Variants in FOXP1 observed in about 807,000 individuals in gnomAD.
FOXP1 encodes forkhead box protein P1.
FOXP1 carries 15 observed loss-of-function variants against 98.2 expected under a neutral mutation model. That is an observed-to-expected ratio of 0.15 (90% CI 0.10 to 0.24). The LOEUF is 0.24. Ranked by LOEUF, FOXP1 falls within the 10% of genes least tolerant of loss-of-function variation. The pLI is 1.00. For synonymous variants in FOXP1, 371 were observed against 314.5 expected (o/e 1.18, Z -1.90); for missense variants, 633 against 848.5 (o/e 0.75, Z 3.15).
At position 71,460,544 on chromosome 3, in the gene FOXP1, C is replaced by T. The variant is rs184291407; in HGVS notation, c.-168+32882G>A. 4.6e-3 allele frequency among the ~76,000 whole-genome samples: 695 copies of T among 151,750 alleles called. 5 individuals carry two copies. The highest frequency in any genetic ancestry group is 0.015 in the African/African-American group (638 of 41,328). ...CTCCGCCTCCCGAGTTCAAGGAATT[C>T]TCTTGCCTCAGCCTCCCAAGTAGCT... On this transcript the variant is annotated intron_variant, in intron 3 of 20. Coordinates refer to ENST00000649528, the MANE Select transcript of FOXP1 (RefSeq NM_001349338.3).
chr3:71,436,027 G>T (rs997810163), intron 3 of FOXP1, among the ~76,000 whole-genome samples: 1 of 151,316 alleles, frequency 6.6e-6, no homozygotes, highest in Non-Finnish European at 1.5e-5. Context: ...AGAAAGGGGG[G>T]AGAATCTGTC....
chr3:71,195,962 G>C (rs1684355469), intron 6 of FOXP1, among the ~76,000 whole-genome samples: 1 of 152,158 alleles, frequency 6.6e-6, no homozygotes, highest in African/African-American at 2.4e-5. Context: ...TTCATCTACA[G>C]ATTTCCCTTT....
chr3:71,053,892 T>G, intron 7 of FOXP1, 119 bp from the exon 8 acceptor site: 1 of 1,020,392 alleles, frequency 9.8e-7, no homozygotes, highest in Non-Finnish European at 1.5e-6. Flanking sequence ...CCATGCAACA[T>G]GTATTTATCC....
intron 6 of FOXP1, among the ~76,000 whole-genome samples, chr3:71,149,667 TAC>T (rs1360652437): frequency 6.6e-6 from 1 of 152,234 alleles, no homozygotes; most frequent in Non-Finnish European, 1.5e-5. Context: ...AGCCGATAAA[TAC>T]ATAGATGAAT....
intron 11 of FOXP1, among the ~76,000 whole-genome samples, chr3:71,028,385 T>C (rs777568678): frequency 1.1e-4 from 16 of 152,118 alleles, no homozygotes; most frequent in Non-Finnish European, 1.9e-4. Flanking sequence ...AAGATGCAAA[T>C]GTGGGGGCCC....
chr3:71,048,501 A>T (rs1182517817), intron 9 of FOXP1, among the ~76,000 whole-genome samples: 2 of 152,172 alleles, frequency 1.3e-5, no homozygotes. Context: ...GAGAAAGTTA[A>T]TTGAGTTTCA....
intron 5 of FOXP1, chr3:71,276,342 T>C (rs1027870096): frequency 6.6e-6 from 1 of 152,138 alleles, no homozygotes; most frequent in African/African-American, 2.4e-5. Context: ...AATATAGGAA[T>C]TTCTGGCATT....
At chr3:71,205,491 T>C (rs945915282) in intron 5 of FOXP1, among the ~76,000 whole-genome samples, 4 of 152,242 alleles carry the variant, frequency 2.6e-5, no homozygotes, top group South Asian at 4.1e-4. Flanking sequence ...AGCAATGAAA[T>C]TGTCAAAAGC....
chr3:71,503,600 C>CAAAA (rs2041574756), intron 2 of FOXP1, among the ~76,000 whole-genome samples: 1 of 32,408 alleles, frequency 3.1e-5, no homozygotes, highest in African/African-American at 8.6e-5. Flanking sequence ...GACTCTGTCT[C>CAAAA]GAAAAAAAAA....
intron 3 of FOXP1, among the ~76,000 whole-genome samples, chr3:71,378,563 A>G (rs1309389500): frequency 1.3e-5 from 2 of 152,140 alleles, no homozygotes; most frequent in Non-Finnish European, 2.9e-5. Flanking sequence ...TAGTAGCCAT[A>G]TTGGTTGTCA....
chr3:71,127,846 G>A (rs1341006779), intron 6 of FOXP1, among the ~76,000 whole-genome samples: 1 of 152,162 alleles, frequency 6.6e-6, no homozygotes, highest in African/African-American at 2.4e-5. Flanking sequence ...AAAGGGCTCC[G>A]TATAAATACA....
chr3:71,036,249 C>T (rs1227078500), intron 11 of FOXP1, among the ~76,000 whole-genome samples: 1 of 152,112 alleles, frequency 6.6e-6, no homozygotes, highest in Admixed American at 6.5e-5. Flanking sequence ...CACAGGGCTC[C>T]GTCAATAAAT....
At chr3:70,972,393 G>T in intron 18 of FOXP1, 162 bp downstream of exon 18, 4 of 1,058,108 alleles carry the variant, frequency 3.8e-6, no homozygotes, top group South Asian at 1.3e-5. Flanking sequence ...GGGACTGGTG[G>T]GTATACAAAA....
intron 14 of FOXP1, among the ~76,000 whole-genome samples, chr3:70,986,115 A>AT (rs909644945): frequency 7.3e-5 from 11 of 151,616 alleles, no homozygotes; most frequent in South Asian, 2.1e-4. Context: ...AAAGTAAAAC[A>AT]TTTTTTTTTA....
At chr3:71,088,737 T>C (rs937189012) in intron 7 of FOXP1, among the ~76,000 whole-genome samples, 1 of 152,234 alleles carries the variant, frequency 6.6e-6, no homozygotes, top group East Asian at 1.9e-4. Context: ...AAAATCACTC[T>C]GAGATTATCT....
At chr3:71,303,834 A>C (rs535035872) in intron 4 of FOXP1, among the ~76,000 whole-genome samples, 14 of 152,268 alleles carry the variant, frequency 9.2e-5, no homozygotes, top group African/African-American at 3.1e-4. Context: ...AGAAAAACAG[A>C]GGGGAAAAAG....
chr3:71,040,176 A>C (rs1048139417), intron 11 of FOXP1: 2 of 151,332 alleles, frequency 1.3e-5, no homozygotes, highest in East Asian at 3.9e-4. Context: ...TTCTGGTATA[A>C]AGATACACAT....
intron 6 of FOXP1, among the ~76,000 whole-genome samples, chr3:71,132,473 G>A (rs1461225267): frequency 6.6e-6 from 1 of 152,104 alleles, no homozygotes; most frequent in Non-Finnish European, 1.5e-5. Context: ...TAAAGTCAGT[G>A]CATACAATCA....
intron 3 of FOXP1, among the ~76,000 whole-genome samples, chr3:71,481,006 G>A (rs1037839384): frequency 4.6e-5 from 7 of 152,126 alleles, no homozygotes; most frequent in Non-Finnish European, 1.0e-4. Flanking sequence ...TTTGAGCACA[G>A]AATGTCTGTC....
Sources: allele counts gnomAD v4.1 joint callset (sites outside exome capture counted in the v4.1 genomes callset), GRCh38; gene constraint gnomAD v4.1.1; transcripts MANE v1.5; gene names NCBI Gene and HGNC (gene_info 2026-07-23, HGNC 2026-07-21).